PPP2R3A: variants seen among roughly 807,000 people sequenced by gnomAD.
The protein encoded by PPP2R3A is protein phosphatase 2 regulatory subunit B''alpha, also known as serine/threonine-protein phosphatase 2A regulatory subunit B'' subunit alpha.
A neutral mutation model predicts 106.9 loss-of-function variants in PPP2R3A; 80 were observed. The ratio of observed to expected loss-of-function variants is 0.75; its 90% CI spans 0.62 to 0.90. The LOEUF (loss-of-function observed/expected upper bound fraction) is 0.90. Ranked by LOEUF, PPP2R3A falls within the 40% of genes least tolerant of loss-of-function variation. The probability of loss-of-function intolerance (pLI) is 0.00; values close to 1 mark genes in which losing one functional copy is unlikely to be tolerated. For missense variants in PPP2R3A, 1,386 were observed against 1,350.4 expected (o/e 1.03, Z -0.41); for synonymous variants, 483 against 468.3 (o/e 1.03, Z -0.41).
intron 4 of PPP2R3A, among the ~76,000 whole-genome samples, chr3:136,046,959 G>A (rs1576460243): frequency 1.3e-5 from 2 of 152,124 alleles, no homozygotes; most frequent in African/African-American, 4.8e-5. Flanking sequence ...ACAACTAGAA[G>A]CATTAATAAC....
intron 13 of PPP2R3A, among the ~76,000 whole-genome samples, chr3:136,118,267 G>C (rs888679692): frequency 6.6e-6 from 1 of 152,118 alleles, no homozygotes; most frequent in Non-Finnish European, 1.5e-5. Flanking sequence ...CCCACAGCCA[G>C]TATCATACTG....
At chr3:135,968,236 G>A (rs568283236) in intron 1 of PPP2R3A, among the ~76,000 whole-genome samples, 1 of 152,318 alleles carries the variant, frequency 6.6e-6, no homozygotes, top group South Asian at 2.1e-4. Flanking sequence ...TATAGTCTAA[G>A]GAGGGTGACA....
At chr3:136,043,097 A>G (rs1238395879) in intron 4 of PPP2R3A, among the ~76,000 whole-genome samples, 1 of 152,066 alleles carries the variant, frequency 6.6e-6, no homozygotes, top group Non-Finnish European at 1.5e-5. Flanking sequence ...ATACATATAT[A>G]TGCTGATTTG....
chr3:136,032,178 A>G (rs1934915993), intron 3 of PPP2R3A, among the ~76,000 whole-genome samples: 1 of 152,136 alleles, frequency 6.6e-6, no homozygotes, highest in Admixed American at 6.6e-5. Flanking sequence ...TGTTTGTGTC[A>G]TCTGTGATTT....
intron 13 of PPP2R3A, among the ~76,000 whole-genome samples, chr3:136,141,234 T>TAA (rs1553761500): frequency 6.6e-6 from 1 of 152,178 alleles, no homozygotes; most frequent in Non-Finnish European, 1.5e-5. Flanking sequence ...GAGTAGTTGA[T>TAA]AACACCTAAA....
At chr3:136,121,893 A>AT (rs1040833423) in intron 13 of PPP2R3A, among the ~76,000 whole-genome samples, 1 of 152,112 alleles carries the variant, frequency 6.6e-6, no homozygotes. Context: ...AGTCTAGCTG[A>AT]TTTTTTTCCC....
chr3:136,045,403 C>T (rs7650079), intron 4 of PPP2R3A, among the ~76,000 whole-genome samples: 46,676 of 151,998 alleles, frequency 0.31, 7,427 homozygotes, highest in African/African-American at 0.39. Flanking sequence ...ACTCAAGTGG[C>T]GGAAGAGCCC....
rs937476716 is a variant in PPP2R3A at position 136,090,590 on chromosome 3, A to T, written c.2850A>T (p.Ile950=). The T allele has an allele frequency of 6.2e-7, 1 of 1,613,270 alleles. No homozygotes were observed. The highest frequency in any genetic ancestry group is 8.5e-7 in the Non-Finnish European group (1 of 1,179,550). The change falls in exon 10 of 14, where the codon ATA becomes ATT. Residue 950 remains isoleucine, a synonymous_variant. Coordinates refer to ENST00000264977, the MANE Select transcript of PPP2R3A (RefSeq NM_002718.5). ...GTGTTTTCTTTAGGGGAAAAACAATACAGAAAGAGGGAAGAATGAGCTATG... is the reference window on the plus strand; with the variant it reads ...GTGTTTTCTTTAGGGGAAAAACAATTCAGAAAGAGGGAAGAATGAGCTATG... The part of the protein sequence containing the change: ...FSGAVTRGKT[I]QKEGRMSYAD...
At chr3:135,987,247 A>G (rs1932961283) in intron 1 of PPP2R3A, among the ~76,000 whole-genome samples, 1 of 152,210 alleles carries the variant, frequency 6.6e-6, no homozygotes, top group Non-Finnish European at 1.5e-5. Context: ...CTTCTGGATC[A>G]GAGACAGAAG....
At chr3:136,027,236 T>G in intron 3 of PPP2R3A, 138 bp downstream of exon 3, 1 of 796,330 alleles carries the variant, frequency 1.3e-6, no homozygotes, top group East Asian at 2.8e-5. Context: ...ATTGTTGTTG[T>G]TTTTCCCATA....
At chr3:136,022,988 T>C (rs1934517107) in intron 2 of PPP2R3A, 3 of 1,581,396 alleles carry the variant, frequency 1.9e-6, no homozygotes, top group Admixed American at 4.0e-5. Context: ...CCTTCCTACC[T>C]GACAAGATTG....
intron 7 of PPP2R3A, among the ~76,000 whole-genome samples, chr3:136,081,017 G>A (rs868026284): frequency 2.6e-5 from 4 of 151,434 alleles, no homozygotes; most frequent in Middle Eastern, 3.2e-3. Flanking sequence ...TCTTTGAGAC[G>A]GAGTTTTGCC....
At chr3:135,996,816 A>G (rs1483846166) in intron 1 of PPP2R3A, among the ~76,000 whole-genome samples, 1 of 152,118 alleles carries the variant, frequency 6.6e-6, no homozygotes, top group African/African-American at 2.4e-5. Flanking sequence ...GATTTTCACT[A>G]TCTTCCCAAA....
chr3:136,028,579 T>C (rs1327782519), intron 3 of PPP2R3A, among the ~76,000 whole-genome samples: 1 of 152,268 alleles, frequency 6.6e-6, no homozygotes, highest in Non-Finnish European at 1.5e-5. Flanking sequence ...CCTGGACATG[T>C]GGTAACAGTA....
At chr3:135,984,506 C>T (rs1284137988) in intron 1 of PPP2R3A, among the ~76,000 whole-genome samples, 1 of 152,092 alleles carries the variant, frequency 6.6e-6, no homozygotes, top group Non-Finnish European at 1.5e-5. Context: ...TTGTAATCCC[C>T]AAGTGTTGAG....
Position 136,145,054 on chromosome 3 carries a change from A to G in PPP2R3A, c.3341A>G (p.Tyr1114Cys), listed in dbSNP as rs1376231975. ...QAQFQEGFED[Y>C]ETDEPASPSE... ...CTTTGTTATTTCAGCTTTGAAGATTATGAAACAGATGAACCTGCCTCTCCC... is the reference window on the plus strand; with the variant it reads ...CTTTGTTATTTCAGCTTTGAAGATTGTGAAACAGATGAACCTGCCTCTCCC... The change falls in exon 14 of 14, where the codon TAT (tyrosine) becomes TGT (cysteine). Residue 1114 changes from tyrosine to cysteine, a missense_variant. Coordinates refer to ENST00000264977, the MANE Select transcript of PPP2R3A (RefSeq NM_002718.5). 6.2e-7 allele frequency: 1 copy of G among 1,612,040 alleles called. No homozygotes were observed. Among genetic ancestry groups the G allele is most frequent in the South Asian group, 1.1e-5 (1 of 90,714 alleles).
chr3:136,070,454 A>G (rs777063636), intron 5 of PPP2R3A, 24 bp from the exon 6 acceptor site: 1 of 1,571,044 alleles, frequency 6.4e-7, no homozygotes, highest in Non-Finnish European at 8.6e-7. Flanking sequence ...TTGTTAATTT[A>G]GTTTTGGTTT....
chr3:136,029,807 G>A (rs996251863), intron 3 of PPP2R3A, among the ~76,000 whole-genome samples: 1 of 152,086 alleles, frequency 6.6e-6, no homozygotes, highest in Admixed American at 6.6e-5. Flanking sequence ...TTCTATTCAT[G>A]GGCACCAAGC....
rs1332042662 is a variant in PPP2R3A, at chr3:136,003,472, G to T, written c.1974G>T (p.Gln658His). The T allele has an allele frequency of 1.2e-6, 2 of 1,611,070 alleles. No homozygotes were observed. The highest frequency in any genetic ancestry group is 2.7e-5 in the African/African-American group (2 of 74,730). ...AKDTTSAVLI[Q>H]QTPEVIKIQN... ...ATACTACTTCAGCAGTTTTGATTCAGCAGACTCCAGAGGTGATCAAGGTAA... is the reference window on the plus strand; with the variant it reads ...ATACTACTTCAGCAGTTTTGATTCATCAGACTCCAGAGGTGATCAAGGTAA... The change falls in exon 2 of 14, where the codon CAG (glutamine) becomes CAT (histidine). Residue 658 changes from glutamine to histidine, a missense_variant. Physicochemically the swap from Gln to His is conservative, Grantham distance 24 (BLOSUM62 0). Coordinates refer to ENST00000264977, the MANE Select transcript of PPP2R3A (RefSeq NM_002718.5).
Sources: gnomAD v4.1 joint callset for allele counts (sites outside exome capture counted in the v4.1 genomes callset) on GRCh38, gnomAD v4.1.1 for gene constraint, MANE v1.5 for transcripts, NCBI Gene and HGNC (gene_info 2026-07-23, HGNC 2026-07-21) for gene names.